The following USP31 variants were observed in gnomAD, a reference collection of about 807,000 sequenced individuals.
USP31 encodes the protein ubiquitin carboxyl-terminal hydrolase 31.
USP31 carries 44 observed loss-of-function variants against 119.4 expected under a neutral mutation model. The ratio of observed to expected loss-of-function variants is 0.37; its 90% CI spans 0.29 to 0.47. The LOEUF (loss-of-function observed/expected upper bound fraction) is 0.47, where lower values mean the gene tolerates loss of function less well. Ranked by LOEUF, USP31 falls within the 20% of genes least tolerant of loss-of-function variation. The pLI is 0.99. For missense variants in USP31, 1,643 were observed against 1,730.2 expected, an observed-to-expected ratio of 0.95 and a Z score of 0.89; for synonymous variants, 749 against 705.6, an observed-to-expected ratio of 1.06 and a Z score of -0.97.
chr16:23,082,371 C>T lies in USP31; in HGVS notation c.1950+67G>A, dbSNP rs1445117756. 3 of 1,596,434 alleles carry T rather than the reference C, an allele frequency of 1.9e-6. No homozygotes were observed. The East Asian group carries it at 6.7e-5, about 36-fold the overall frequency. On this transcript the variant is annotated intron_variant, in intron 12 of 15. Coordinates refer to ENST00000219689, the MANE Select transcript of USP31 (RefSeq NM_020718.4). Reference sequence around the variant, plus strand: ...GTATACCAAAGAACCCTCACAGAGCCCATCAGCAGGGGGCATAAGAAACTT... The same window carrying T: ...GTATACCAAAGAACCCTCACAGAGCTCATCAGCAGGGGGCATAAGAAACTT...
At chr16:23,091,719 T>C (rs1901371224) in intron 6 of USP31, among the ~76,000 whole-genome samples, 1 of 152,122 alleles carries the variant, frequency 6.6e-6, no homozygotes, top group Non-Finnish European at 1.5e-5. Context: ...TTAATGCCAA[T>C]ATAAATTCCA....
intron 12 of USP31, among the ~76,000 whole-genome samples, 184 bp from the exon 13 acceptor site, chr16:23,080,355 A>G (rs1900763542): frequency 6.6e-6 from 1 of 152,160 alleles, no homozygotes; most frequent in Non-Finnish European, 1.5e-5. Flanking sequence ...AGGTTTTAAT[A>G]TCAGCTAAGG....
intron 13 of USP31, 70 bp downstream of exon 13, chr16:23,079,876 T>C: frequency 7.1e-7 from 1 of 1,407,810 alleles, no homozygotes; most frequent in Non-Finnish European, 9.4e-7. Context: ...TAAAGTCAAG[T>C]CACCCTGCCA....
chr16:23,090,564 GT>G, intron 7 of USP31, 59 bp downstream of exon 7: 1 of 1,433,746 alleles, frequency 7.0e-7, no homozygotes, highest in Non-Finnish European at 9.3e-7. Context: ...TTTTTAACAT[GT>G]TTGAAAATAC....
chr16:23,098,455 C>A (rs1162146156), intron 6 of USP31, among the ~76,000 whole-genome samples: 1 of 152,080 alleles, frequency 6.6e-6, no homozygotes, highest in Admixed American at 6.5e-5. Context: ...ACTTTCTTCA[C>A]AGAATTGGAA....
rs1268201259 is a variant in USP31, at chr16:23,106,278, C to T, written c.888G>A (p.Gln296=). The T allele has an allele frequency of 4.3e-6, 7 of 1,614,078 alleles. No individual in the cohort carries two copies. The highest frequency in any genetic ancestry group is 5.9e-6 in the Non-Finnish European group (7 of 1,180,048). Residue 296 remains glutamine (Q), a synonymous_variant, in exon 4 of 16, where the codon CAG becomes CAA. Transcript: ENST00000219689. ...YRSSLTCPHC[Q]KQSNTFDPFL... is the part of the protein sequence containing the mutation. ...AAGGATCAAAAGTGTTGCTCTGTTT[C>T]TGACAATGAGGACACGTCAAAGAAG...
At chr16:23,134,027 A>G (rs12922953) in intron 1 of USP31, among the ~76,000 whole-genome samples, 25,246 of 151,912 alleles carry the variant, frequency 0.17, 2,599 homozygotes, top group Admixed American at 0.26. Context: ...CAGTGAGCCA[A>G]TATCATGCCA....
intron 10 of USP31, 76 bp downstream of exon 10, chr16:23,085,509 T>C (rs1761367139): frequency 3.8e-6 from 5 of 1,308,404 alleles, no homozygotes; most frequent in Non-Finnish European, 4.4e-6. Context: ...TCAGCTCATT[T>C]AACATATCAA....
Position 23,102,349 on chromosome 16 carries a change from AT to A in USP31, c.1203del (p.Phe402LeufsTer14). 6.2e-7 allele frequency: 1 copy of A among 1,614,062 alleles called. No homozygotes were observed. Among genetic ancestry groups the A allele is most frequent in the Non-Finnish European group, 8.5e-7 (1 of 1,179,950 alleles). ...TGACTGAGAATTCCTTCAGGCCTAA[AT>A]ATTTCGGGAGTCTCAAAGGCAAAAA... Reference protein sequence around the residue: ...DCIFAFETPEIFRPEGILSQR... With the variant: ...DCIFAFETPEXFRPEGILSQR... On this transcript the variant is annotated frameshift_variant, in exon 6 of 16. Coordinates refer to ENST00000219689, the MANE Select transcript of USP31 (RefSeq NM_020718.4). LOFTEE classifies it high-confidence loss of function.
In USP31 at chr16:23,069,143, GATT is replaced by G. The variant is rs753128870; in HGVS notation, c.2959_2961del (p.Asn987del). On this transcript the variant is annotated inframe_deletion, in exon 16 of 16. Coordinates refer to ENST00000219689, the MANE Select transcript of USP31 (RefSeq NM_020718.4). ...TCGCTCTGATCCACATAAGCGATCTGATTATTGTTATCAAATGGACCAGAGAGC... is the reference window on the plus strand; with the variant it reads ...TCGCTCTGATCCACATAAGCGATCTGATTGTTATCAAATGGACCAGAGAGC... 9.3e-6 allele frequency: 15 copies of G among 1,613,926 alleles called. No individual in the cohort carries two copies. In the Admixed American group the frequency reaches 1.2e-4, roughly 13 times the overall value.
Position 23,066,942 on chromosome 16 carries a change from T to C in USP31, c.*1104A>G, listed in dbSNP as rs1364669387. 2.0e-5 allele frequency: 3 copies of C among 152,204 alleles called. No homozygotes were observed. The highest frequency in any genetic ancestry group is 2.1e-4 in the South Asian group (1 of 4,832). The allele number at this position is 152,204 out of a possible 1,614,324, so 9.4% of individuals were successfully genotyped here. ...TGACAGACAGGATCTGAAGTGCATA[T>C]GTAACACTTGATCACACAACGCTTC... On this transcript the variant is annotated 3_prime_UTR_variant, in exon 16 of 16. Coordinates refer to ENST00000219689, the MANE Select transcript of USP31 (RefSeq NM_020718.4).
chr16:23,080,514 A>C (rs1397725223), intron 12 of USP31, among the ~76,000 whole-genome samples: 7 of 152,206 alleles, frequency 4.6e-5, no homozygotes, highest in Non-Finnish European at 1.0e-4. Context: ...AAGAGACATG[A>C]AAACTAATGA....
In USP31 at chr16:23,102,509, T is replaced by C. The variant is rs776045585; in HGVS notation, c.1090-46A>G. 1.1e-5 allele frequency: 17 copies of C among 1,580,086 alleles called. 1 individual carries two copies. In the South Asian group the frequency reaches 1.7e-4, roughly 16 times the overall value. ...AACAGGTGGGTAACTGGAAATTCGA[T>C]ACTAATTGATCTCCCAATTCTATGA... On this transcript the variant is annotated intron_variant, in intron 5 of 15. Coordinates refer to ENST00000219689, the MANE Select transcript of USP31 (RefSeq NM_020718.4).
chr16:23,139,002 T>C (rs898681967), intron 1 of USP31, among the ~76,000 whole-genome samples: 9 of 152,244 alleles, frequency 5.9e-5, no homozygotes, highest in African/African-American at 1.9e-4. Context: ...CAGTGCCTTC[T>C]AATGCAGGAC....
At position 23,145,028 on chromosome 16, in the gene USP31, G is replaced by A. The variant is rs1269091381; in HGVS notation, c.633+3610C>T. 6.6e-5 allele frequency among the ~76,000 whole-genome samples: 10 copies of A among 152,166 alleles called. No homozygotes were observed. In the East Asian group the frequency reaches 1.7e-3, roughly 26 times the overall value. On this transcript the variant is annotated intron_variant, in intron 1 of 15. Coordinates refer to ENST00000219689, the MANE Select transcript of USP31 (RefSeq NM_020718.4). The stretch of plus-strand genomic sequence containing the variant: ...GTGAGTTTCCAACACTCTTCTCCCA[G>A]GCTTCCTGCACCCCCACTGCTCTCT...
intron 5 of USP31, among the ~76,000 whole-genome samples, chr16:23,105,039 T>C (rs1324831251): frequency 6.6e-6 from 1 of 152,212 alleles, no homozygotes; most frequent in East Asian, 1.9e-4. Flanking sequence ...ATATCCACTC[T>C]TATCATCACA....
At chr16:23,132,332 G>GTT (rs371381341) in intron 1 of USP31, among the ~76,000 whole-genome samples, 24 of 125,042 alleles carry the variant, frequency 1.9e-4, no homozygotes, top group Admixed American at 2.4e-4. Flanking sequence ...AATATAAAAG[G>GTT]TTTTTTTTTT....
intron 1 of USP31, among the ~76,000 whole-genome samples, chr16:23,119,707 C>T (rs1446925546): frequency 1.3e-5 from 2 of 152,110 alleles, no homozygotes; most frequent in Non-Finnish European, 2.9e-5. Context: ...AACAAAAATG[C>T]CGTTTATCTA....
intron 11 of USP31, 103 bp downstream of exon 11, chr16:23,084,757 C>A: frequency 6.7e-7 from 1 of 1,503,648 alleles, no homozygotes; most frequent in South Asian, 1.3e-5. Flanking sequence ...TATGCAAAAT[C>A]CTGCGGCGAC....
Sources: gnomAD v4.1 joint callset for allele counts (sites outside exome capture counted in the v4.1 genomes callset) on GRCh38, gnomAD v4.1.1 for gene constraint, MANE v1.5 for transcripts, NCBI Gene and HGNC (gene_info 2026-07-23, HGNC 2026-07-21) for gene names.